Variants in MSR1 observed in about 807,000 individuals in gnomAD.
MSR1 encodes macrophage scavenger receptor types I and II.
A neutral mutation model predicts 47.2 loss-of-function variants in MSR1; 53 were observed. The ratio of observed to expected loss-of-function variants is 1.12; its 90% CI spans 0.90 to 1.41. The LOEUF (loss-of-function observed/expected upper bound fraction) is 1.41, where lower values mean the gene tolerates loss of function less well. Among genes scored for constraint, MSR1 ranks in the 40% most tolerant of loss-of-function variants. The probability of loss-of-function intolerance (pLI) is 0.00; values close to 1 mark genes in which losing one functional copy is unlikely to be tolerated. For synonymous variants in MSR1, 239 were observed against 185.6 expected (o/e 1.29, Z -2.34); for missense variants, 786 against 546.9 (o/e 1.44, Z -4.36).
In MSR1 at chr8:16,168,751, C is replaced by A. The variant is rs954052946; in HGVS notation, c.337G>T (p.Val113Phe). The A allele has an allele frequency of 6.2e-7, 1 of 1,614,026 alleles. No homozygotes were observed. Among genetic ancestry groups the A allele is most frequent in the African/African-American group, 1.3e-5 (1 of 74,948 alleles). The change falls in exon 4 of 10, where the codon GTC becomes TTC. Residue 113 changes from valine to phenylalanine, a missense_variant. Transcript: ENST00000262101. ...DSEEEMRFQEVFMEHMSNMEK... is the reference protein window; with the variant it reads ...DSEEEMRFQEFFMEHMSNMEK... ...ATGTTGCTCATGTGTTCCATAAAGA[C>A]TTCTTGAAATCTCATTTCCTCTTCG...
intron 9 of MSR1, among the ~76,000 whole-genome samples, chr8:16,118,639 C>A (rs1799930015): frequency 6.6e-6 from 1 of 151,924 alleles, no homozygotes. Flanking sequence ...AGATTACACC[C>A]CGCACTCCAG....
intron 4 of MSR1, among the ~76,000 whole-genome samples, chr8:16,166,786 T>C (rs1334741581): frequency 1.3e-5 from 2 of 152,182 alleles, no homozygotes; most frequent in African/African-American, 2.4e-5. Context: ...CTGGTGTCAC[T>C]TATAACCTAT....
intron 4 of MSR1, among the ~76,000 whole-genome samples, chr8:16,164,933 C>T (rs1388131680): frequency 6.6e-6 from 1 of 151,874 alleles, no homozygotes; most frequent in Non-Finnish European, 1.5e-5. Flanking sequence ...ATATTTTACT[C>T]AATAATATAT....
At chr8:16,126,685 C>G (rs780056537) in intron 8 of MSR1, among the ~76,000 whole-genome samples, 8 of 151,980 alleles carry the variant, frequency 5.3e-5, no homozygotes, top group Non-Finnish European at 1.0e-4. Context: ...CTCCTAAAGC[C>G]AGGGAGACAA....
rs558214792 is a variant in MSR1, at chr8:16,178,056, T to C, written c.-4-64A>G. 5 of 1,264,962 alleles carry C rather than the reference T, an allele frequency of 4.0e-6. No individual in the cohort carries two copies. In the East Asian group the frequency reaches 9.5e-5, roughly 24 times the overall value. The allele number at this position is 1,264,962 out of a possible 1,614,324, so 78.4% of individuals were successfully genotyped here. Reference sequence around the variant, plus strand: ...AAATGGCTAGGGCTCTTTTGCATAATGTTTTAAACTGAAATTTCAGTTTGA... The same window carrying C: ...AAATGGCTAGGGCTCTTTTGCATAACGTTTTAAACTGAAATTTCAGTTTGA... On this transcript the variant is annotated intron_variant, in intron 1 of 9. Transcript: ENST00000262101.
intron 8 of MSR1, among the ~76,000 whole-genome samples, chr8:16,130,656 C>T (rs1418758335): frequency 6.6e-6 from 1 of 151,984 alleles, no homozygotes; most frequent in African/African-American, 2.4e-5. Flanking sequence ...CAAGTAGACC[C>T]CACTGTCTGT....
intron 7 of MSR1, among the ~76,000 whole-genome samples, chr8:16,147,330 T>C (rs896515586): frequency 6.6e-6 from 1 of 152,138 alleles, no homozygotes; most frequent in Non-Finnish European, 1.5e-5. Flanking sequence ...TTTCTAGCAC[T>C]GTACCCTTAC....
chr8:16,187,312 A>AAGATC (rs1368338524), intron 1 of MSR1, among the ~76,000 whole-genome samples: 5 of 148,832 alleles, frequency 3.4e-5, no homozygotes, highest in Non-Finnish European at 7.4e-5. Context: ...GCAGTGAGCC[A>AAGATC]AGATCAGGCC....
At chr8:16,133,024 T>G (rs1800300162) in intron 8 of MSR1, among the ~76,000 whole-genome samples, 2 of 152,194 alleles carry the variant, frequency 1.3e-5, no homozygotes, top group Non-Finnish European at 2.9e-5. Flanking sequence ...TCTATTGAGA[T>G]CATCATGTAG....
intron 8 of MSR1, among the ~76,000 whole-genome samples, chr8:16,127,016 T>G (rs1257469188): frequency 1.3e-5 from 2 of 152,158 alleles, no homozygotes; most frequent in African/African-American, 2.4e-5. Flanking sequence ...TAGGTATTAT[T>G]GATACTATTA....
intron 3 of MSR1, among the ~76,000 whole-genome samples, chr8:16,170,325 G>A (rs1165151836): frequency 6.7e-6 from 1 of 148,202 alleles, no homozygotes; most frequent in Admixed American, 6.8e-5. Flanking sequence ...TCCAGCCTGG[G>A]CAACAGAGTG....
chr8:16,127,838 C>T (rs1235753633), intron 8 of MSR1, among the ~76,000 whole-genome samples: 4 of 152,108 alleles, frequency 2.6e-5, no homozygotes, highest in African/African-American at 7.2e-5. Context: ...CTGTTACTTT[C>T]CACTTAACAG....
chr8:16,164,331 T>A (rs1801245225), intron 4 of MSR1, 80 bp from the exon 5 acceptor site: 1 of 1,251,076 alleles, frequency 8.0e-7, no homozygotes, highest in African/African-American at 1.5e-5. Flanking sequence ...ACCCTCGGAG[T>A]TCAGGTTTTT....
At chr8:16,127,520 T>C (rs986949119) in intron 8 of MSR1, among the ~76,000 whole-genome samples, 2 of 152,152 alleles carry the variant, frequency 1.3e-5, no homozygotes, top group African/African-American at 4.8e-5. Flanking sequence ...GGTTAGGCAA[T>C]GAGTATATCT....
In MSR1 at chr8:16,139,507, G is replaced by A. The variant is rs147301252; in HGVS notation, c.1033+4051C>T. 1.3e-5 allele frequency: 13 copies of A among 984,574 alleles called. No homozygotes were observed. The African/African-American group carries it at 1.7e-4, about 13-fold the overall frequency. The allele number at this position is 984,574 out of a possible 1,614,324, so 61.0% of individuals were successfully genotyped here. On this transcript the variant is annotated intron_variant, in intron 8 of 9. Coordinates refer to ENST00000262101, the MANE Select transcript of MSR1 (RefSeq NM_138715.3). ...AGAATCTTAATAGTATGAATCTTGG[G>A]TCTGTGTGTTAAAACGTAAAGGAAA...
chr8:16,146,887 G>C (rs968441152), intron 7 of MSR1, among the ~76,000 whole-genome samples: 3 of 152,106 alleles, frequency 2.0e-5, no homozygotes, highest in Admixed American at 6.6e-5. Context: ...AGACTCATGT[G>C]TTCAACCGTC....
At position 16,139,761 on chromosome 8, in the gene MSR1, AAAAAAAAAAAAAAATATATATATAT is replaced by A. The variant is rs1253639550; in HGVS notation, c.1033+3772_1033+3796del. Reference sequence around the variant, plus strand: ...ACTTCAAAACTTAAAAAAAAAAAAAAAAAAAAAAAAAAAATATATATATATATATATATATATATATATATATATA... The same window carrying A: ...ACTTCAAAACTTAAAAAAAAAAAAAAATATATATATATATATATATATATA... On this transcript the variant is annotated intron_variant, in intron 8 of 9. Coordinates refer to ENST00000262101, the MANE Select transcript of MSR1 (RefSeq NM_138715.3). The A allele has an allele frequency of 3.7e-5, 6 of 164,158 alleles. 1 individual carries two copies. In the African/African-American group the frequency reaches 4.2e-4, roughly 11 times the overall value. 10.2% of individuals were successfully genotyped at this position (164,158 alleles called of 1,614,324 possible). A position where few individuals can be genotyped will look rare whatever the true frequency, so the allele number is the denominator to read the frequency against.
intron 5 of MSR1, among the ~76,000 whole-genome samples, chr8:16,162,618 A>C (rs1801193220): frequency 6.6e-6 from 1 of 152,036 alleles, no homozygotes; most frequent in South Asian, 2.1e-4. Context: ...GGAGGCAATG[A>C]GCAGGCCAGC....
At chr8:16,142,330 A>AAAAC (rs570790504) in intron 8 of MSR1, among the ~76,000 whole-genome samples, 20 of 152,250 alleles carry the variant, frequency 1.3e-4, no homozygotes, top group Admixed American at 5.2e-4. Flanking sequence ...ACTCCATCTC[A>AAAAC]AAACAAACAA....
Sources: gnomAD v4.1 joint callset for allele counts (sites outside exome capture counted in the v4.1 genomes callset) on GRCh38, gnomAD v4.1.1 for gene constraint, MANE v1.5 for transcripts, NCBI Gene and HGNC (gene_info 2026-07-23, HGNC 2026-07-21) for gene names.